Variants in MS4A15 observed in about 807,000 individuals in gnomAD.
MS4A15 encodes the protein membrane-spanning 4-domains subfamily A member 15.
Under a neutral mutation model 20.6 loss-of-function variants are expected in MS4A15, and 22 were observed. The ratio of observed to expected loss-of-function variants is 1.07; its 90% CI spans 0.76 to 1.52. The LOEUF (loss-of-function observed/expected upper bound fraction) is 1.52, where lower values mean the gene tolerates loss of function less well. Among genes scored for constraint, MS4A15 ranks in the 40% most tolerant of loss-of-function variants. MS4A15 has a pLI of 0.00. For missense variants in MS4A15, 312 were observed against 323.0 expected, an observed-to-expected ratio of 0.97 and a Z score of 0.26; for synonymous variants, 129 against 129.3, an observed-to-expected ratio of 1.00 and a Z score of 0.02.
At chr11:60,758,923 CAG>C (rs1278662523) in intron 1 of MS4A15, among the ~76,000 whole-genome samples, 1 of 152,254 alleles carries the variant, frequency 6.6e-6, no homozygotes, top group African/African-American at 2.4e-5. Flanking sequence ...ACGCAACAGG[CAG>C]AGTTAGGTGC....
Position 60,767,589 on chromosome 11 carries a change from G to T in MS4A15, c.282G>T (p.Met94Ile). 6.4e-7 allele frequency: 1 copy of T among 1,556,672 alleles called. No homozygotes were observed. The highest frequency in any genetic ancestry group is 8.7e-7 in the Non-Finnish European group (1 of 1,149,494). Residue 94 changes from methionine (M) to isoleucine (I), a missense_variant, in exon 3 of 7, where the codon ATG becomes ATT. Transcript: ENST00000405633. ...TAGGCTTTGGCAGCGTGCTGCTCAT[G>T]GTTCGCCGCGGCCACGTGGGCATCT... ...IHLGFGSVLL[M>I]VRRGHVGIFF... is the part of the protein sequence containing the mutation.
At chr11:60,769,376 T>C (rs1003534001) in intron 3 of MS4A15, among the ~76,000 whole-genome samples, 1 of 152,168 alleles carries the variant, frequency 6.6e-6, no homozygotes. Context: ...GAGACCTTAG[T>C]TGAACATTCC....
At chr11:60,758,016 A>G (rs1015818510) in intron 1 of MS4A15, among the ~76,000 whole-genome samples, 4 of 152,238 alleles carry the variant, frequency 2.6e-5, no homozygotes, top group South Asian at 2.1e-4. Flanking sequence ...GGAAATGGCT[A>G]TAAGATGACT....
intron 6 of MS4A15, among the ~76,000 whole-genome samples, chr11:60,775,094 T>A (rs536973224): frequency 6.6e-6 from 1 of 152,116 alleles, no homozygotes; most frequent in South Asian, 2.1e-4. Context: ...GGCGGGCAGA[T>A]CATCTGAGGT....
At chr11:60,762,383 T>C (rs1489437702) in intron 1 of MS4A15, among the ~76,000 whole-genome samples, 1 of 152,200 alleles carries the variant, frequency 6.6e-6, no homozygotes, top group Non-Finnish European at 1.5e-5. Context: ...CCCAATATGC[T>C]TGGGAGAGAG....
intron 3 of MS4A15, among the ~76,000 whole-genome samples, chr11:60,769,705 C>T (rs1285885864): frequency 2.0e-5 from 3 of 152,160 alleles, no homozygotes; most frequent in African/African-American, 7.2e-5. Context: ...GCACCTCCAG[C>T]CACCCAACTG....
At chr11:60,770,039 C>T (rs961087024) in intron 3 of MS4A15, among the ~76,000 whole-genome samples, 1 of 152,236 alleles carries the variant, frequency 6.6e-6, no homozygotes, top group Non-Finnish European at 1.5e-5. Flanking sequence ...TGCTCAGCTC[C>T]ACCCTCTCAG....
chr11:60,774,928 C>A (rs12286817), intron 6 of MS4A15, among the ~76,000 whole-genome samples: 1,720 of 152,180 alleles, frequency 0.011, 22 homozygotes, highest in African/African-American at 0.04. Context: ...GGTGGACAAG[C>A]GGGGCTCGAG....
intron 2 of MS4A15, 57 bp from the exon 3 acceptor site, chr11:60,767,476 C>A: frequency 7.1e-7 from 1 of 1,416,180 alleles, no homozygotes; most frequent in Admixed American, 3.1e-5. Context: ...TCCGCGGGGC[C>A]GGCAGGGGGC....
intron 3 of MS4A15, among the ~76,000 whole-genome samples, chr11:60,768,118 G>T (rs1402564902): frequency 4.6e-5 from 7 of 152,092 alleles, no homozygotes; most frequent in Non-Finnish European, 1.0e-4. Context: ...GCTTTAACCC[G>T]GGAGGCGGAG....
chr11:60,767,568 C>A lies in MS4A15; in HGVS notation c.261C>A (p.Gly87=). 1 of 1,553,190 alleles carries A rather than the reference C, an allele frequency of 6.4e-7. No individual in the cohort carries two copies. The highest frequency in any genetic ancestry group is 1.2e-5 in the South Asian group (1 of 83,710). Reference sequence around the variant, plus strand: ...TCCTCATCGGCCTCATCCACCTAGGCTTTGGCAGCGTGCTGCTCATGGTTC... The same window carrying A: ...TCCTCATCGGCCTCATCCACCTAGGATTTGGCAGCGTGCTGCTCATGGTTC... ...VQILIGLIHL[G]FGSVLLMVRR... Residue 87 remains glycine (G), a synonymous_variant, in exon 3 of 7, where the codon GGC becomes GGA. Transcript: ENST00000405633.
chr11:60,765,349 T>C (rs1292170039), intron 2 of MS4A15, among the ~76,000 whole-genome samples: 1 of 152,182 alleles, frequency 6.6e-6, no homozygotes. Context: ...ATATGTAGAT[T>C]CTTCAGTATG....
chr11:60,772,421 G>A (rs951909541), intron 4 of MS4A15, among the ~76,000 whole-genome samples: 10 of 152,116 alleles, frequency 6.6e-5, no homozygotes, highest in African/African-American at 1.4e-4. Context: ...AGGACTCTCC[G>A]GACCAAACCC....
intron 2 of MS4A15, among the ~76,000 whole-genome samples, chr11:60,766,226 C>T (rs1471392784): frequency 6.6e-6 from 1 of 152,106 alleles, no homozygotes; most frequent in African/African-American, 2.4e-5. Flanking sequence ...ACTAAAAGTA[C>T]AAAAATTAGC....
Position 60,767,404 on chromosome 11 carries a change from C to T in MS4A15, c.226-129C>T, listed in dbSNP as rs183438565. On this transcript the variant is annotated intron_variant, in intron 2 of 6. Coordinates refer to ENST00000405633, the MANE Select transcript of MS4A15 (RefSeq NM_001098835.2). ...CTGTAATAATATCGCCTCTAAAGAA[C>T]AGAATCTGAGTTTCTTTCCCAGTGG... 4.5e-3 allele frequency: 5,283 copies of T among 1,186,626 alleles called. 13 individuals are homozygous for T. The highest frequency in any genetic ancestry group is 5.2e-3 in the Non-Finnish European group (4,606 of 888,580). The allele number at this position is 1,186,626 out of a possible 1,614,324, so 73.5% of individuals were successfully genotyped here.
chr11:60,774,769 C>T (rs1263506384), intron 6 of MS4A15, among the ~76,000 whole-genome samples: 2 of 152,210 alleles, frequency 1.3e-5, no homozygotes, highest in African/African-American at 4.8e-5. Context: ...CTGCCTCGGG[C>T]AGGCAAATGC....
chr11:60,761,742 G>A (rs1853745160), intron 1 of MS4A15, among the ~76,000 whole-genome samples: 1 of 152,186 alleles, frequency 6.6e-6, no homozygotes. Context: ...ATTACTAGCA[G>A]TGGCAATTAT....
intron 3 of MS4A15, among the ~76,000 whole-genome samples, chr11:60,768,323 GCCCTCCAGGAGCTCTGTC>G (rs1339826708): frequency 1.3e-5 from 2 of 152,170 alleles, no homozygotes; most frequent in African/African-American, 2.4e-5. Context: ...TTGGGTCCCA[GCCCTCCAGGAGCTCTGTC>G]CCCTGGGAGT....
chr11:60,771,735 T>C, intron 4 of MS4A15: 1 of 1,244,942 alleles, frequency 8.0e-7, no homozygotes, highest in Non-Finnish European at 1.0e-6. Context: ...AAACCACGCC[T>C]GGCTCCATCC....
Sources: allele counts gnomAD v4.1 joint callset (sites outside exome capture counted in the v4.1 genomes callset), GRCh38; gene constraint gnomAD v4.1.1; transcripts MANE v1.5; gene names NCBI Gene and HGNC (gene_info 2026-07-23, HGNC 2026-07-21).